Variants in PCDH15 observed in about 807,000 individuals in gnomAD.
PCDH15 encodes protocadherin related 15.
In PCDH15, 129 loss-of-function variants were observed where a neutral mutation model predicts 178.5. The observed-to-expected ratio is 0.72, with a 90% confidence interval of 0.63 to 0.84. The LOEUF (loss-of-function observed/expected upper bound fraction) is 0.84, where lower values mean the gene tolerates loss of function less well. PCDH15 is among the 40% of genes least tolerant of loss of function. The pLI, the probability that PCDH15 is intolerant of heterozygous loss-of-function variation, is 0.00. For synonymous variants in PCDH15, 800 were observed against 732.0 expected (o/e 1.09, Z -1.50); for missense variants, 2,230 against 2,099.9 (o/e 1.06, Z -1.21).
intron 3 of PCDH15, among the ~76,000 whole-genome samples, chr10:54,504,491 T>A (rs1404190122): frequency 1.3e-5 from 2 of 152,150 alleles, no homozygotes; most frequent in Admixed American, 6.6e-5. Context: ...ACTGCCTATT[T>A]TATATTTTGG....
intron 2 of PCDH15, among the ~76,000 whole-genome samples, chr10:55,564,274 C>T (rs1016942969): frequency 6.8e-6 from 1 of 146,424 alleles, no homozygotes; most frequent in Non-Finnish European, 1.5e-5. Flanking sequence ...GTTATAGGAG[C>T]TGAGTTTTTG....
At chr10:54,920,357 C>T (rs1837453478) in intron 2 of PCDH15, among the ~76,000 whole-genome samples, 1 of 149,966 alleles carries the variant, frequency 6.7e-6, no homozygotes, top group Admixed American at 6.7e-5. Flanking sequence ...GTAGTCCCAG[C>T]TACTCGGGAG....
At chr10:54,998,368 T>A (rs1303618729) in intron 2 of PCDH15, among the ~76,000 whole-genome samples, 1 of 151,988 alleles carries the variant, frequency 6.6e-6, no homozygotes, top group South Asian at 2.1e-4. Context: ...TGCACATGTA[T>A]CCTGAAACTT....
intron 2 of PCDH15, among the ~76,000 whole-genome samples, chr10:55,032,480 G>C (rs1355490411): frequency 6.6e-6 from 1 of 152,184 alleles, no homozygotes; most frequent in Non-Finnish European, 1.5e-5. Flanking sequence ...TGCTAAGCTT[G>C]TGGGAGTTAT....
intron 2 of PCDH15, among the ~76,000 whole-genome samples, chr10:55,031,026 T>A (rs929264039): frequency 6.6e-6 from 1 of 151,772 alleles, no homozygotes; most frequent in African/African-American, 2.4e-5. Flanking sequence ...TCACATAAAA[T>A]GCTCAAAGTA....
At chr10:55,231,614 T>C (rs1841226878) in intron 1 of PCDH15, among the ~76,000 whole-genome samples, 1 of 152,046 alleles carries the variant, frequency 6.6e-6, no homozygotes, top group African/African-American at 2.4e-5. Flanking sequence ...TAGGAAATTA[T>C]TGTAAGCTTT....
intron 1 of PCDH15, among the ~76,000 whole-genome samples, chr10:54,779,629 T>G (rs926833517): frequency 1.3e-5 from 2 of 150,918 alleles, no homozygotes; most frequent in Non-Finnish European, 3.0e-5. Context: ...TCAAGAGGCC[T>G]GCCTTCCCTA....
chr10:55,379,300 C>T (rs1032206957), intron 2 of PCDH15, among the ~76,000 whole-genome samples: 1 of 151,704 alleles, frequency 6.6e-6, no homozygotes, highest in African/African-American at 2.4e-5. Flanking sequence ...TCCTAATGTA[C>T]CCCTGTCAAT....
intron 1 of PCDH15, among the ~76,000 whole-genome samples, chr10:54,733,965 T>C (rs1413784547): frequency 6.7e-6 from 1 of 149,884 alleles, no homozygotes; most frequent in Non-Finnish European, 1.5e-5. Context: ...AGATATAATA[T>C]AGAATGTAAA....
intron 2 of PCDH15, among the ~76,000 whole-genome samples, chr10:55,002,522 C>A (rs993046276): frequency 7.7e-5 from 2 of 25,828 alleles, no homozygotes; most frequent in Admixed American, 8.7e-4. Context: ...TTTGCCTAGA[C>A]ACCAAGTCAT....
At chr10:54,007,134 C>T (rs1405616547) in intron 20 of PCDH15, among the ~76,000 whole-genome samples, 1 of 152,188 alleles carries the variant, frequency 6.6e-6, no homozygotes, top group African/African-American at 2.4e-5. Flanking sequence ...TGCTGTAGAA[C>T]AGCCCTTTTC....
intron 21 of PCDH15, among the ~76,000 whole-genome samples, chr10:53,991,940 CA>C (rs2091518467): frequency 6.6e-6 from 1 of 152,088 alleles, no homozygotes; most frequent in Admixed American, 6.5e-5. Flanking sequence ...CTGCCCAAGC[CA>C]GCAGCCGCAA....
At chr10:54,922,255 G>A (rs559685232) in intron 2 of PCDH15, among the ~76,000 whole-genome samples, 7 of 152,162 alleles carry the variant, frequency 4.6e-5, no homozygotes, top group Non-Finnish European at 1.0e-4. Flanking sequence ...AATCTGATCA[G>A]AGGCAAGGCA....
intron 8 of PCDH15, among the ~76,000 whole-genome samples, chr10:54,243,930 T>C (rs1350782848): frequency 6.6e-6 from 1 of 152,210 alleles, no homozygotes; most frequent in African/African-American, 2.4e-5. Flanking sequence ...CACAAACCTC[T>C]TTGAAACTGA....
At chr10:55,088,539 G>A (rs902852492) in intron 2 of PCDH15, among the ~76,000 whole-genome samples, 1 of 151,990 alleles carries the variant, frequency 6.6e-6, no homozygotes, top group African/African-American at 2.4e-5. Context: ...CTCCTATAGT[G>A]CTAGGATTAC....
intron 3 of PCDH15, among the ~76,000 whole-genome samples, chr10:54,424,056 C>A (rs1955904317): frequency 6.6e-6 from 1 of 151,828 alleles, no homozygotes; most frequent in Non-Finnish European, 1.5e-5. Flanking sequence ...GCAAAAGAAA[C>A]TACCATCAGA....
At chr10:54,703,003 A>G (rs1055896952) in intron 1 of PCDH15, among the ~76,000 whole-genome samples, 2 of 152,092 alleles carry the variant, frequency 1.3e-5, no homozygotes, top group African/African-American at 4.8e-5. Context: ...AACCAAATCC[A>G]GCAGCATTCT....
intron 1 of PCDH15, among the ~76,000 whole-genome samples, chr10:54,792,174 T>C (rs1022458703): frequency 6.6e-6 from 1 of 151,802 alleles, no homozygotes; most frequent in Non-Finnish European, 1.5e-5. Context: ...ATATCTTTAC[T>C]CTAAACAAAG....
At chr10:55,421,205 C>T (rs1385474035) in intron 2 of PCDH15, among the ~76,000 whole-genome samples, 1 of 151,020 alleles carries the variant, frequency 6.6e-6, no homozygotes. Flanking sequence ...ACTCACAGAA[C>T]CTTTTAAGAT....
Sources: allele counts gnomAD v4.1 joint callset (sites outside exome capture counted in the v4.1 genomes callset), GRCh38; gene constraint gnomAD v4.1.1; transcripts MANE v1.5; gene names NCBI Gene and HGNC (gene_info 2026-07-23, HGNC 2026-07-21).